Variants in SPRY3 observed in about 807,000 individuals in gnomAD.
SPRY3 encodes protein sprouty homolog 3.
In SPRY3, 15 loss-of-function variants were observed where a neutral mutation model predicts 20.2. The ratio of observed to expected loss-of-function variants is 0.74; its 90% CI spans 0.50 to 1.14. The LOEUF (loss-of-function observed/expected upper bound fraction) is 1.14, where lower values mean the gene tolerates loss of function less well. SPRY3 is among the 50% of genes most tolerant of loss of function. The probability of loss-of-function intolerance (pLI) is 0.00; values close to 1 mark genes in which losing one functional copy is unlikely to be tolerated. For synonymous variants in SPRY3, 143 were observed against 136.5 expected (o/e 1.05, Z -0.33); for missense variants, 364 against 363.9 (o/e 1.00, Z 0.00).
At chrX:155,704,426 A>T (rs2090934395) in intron 2 of SPRY3, among the ~76,000 whole-genome samples, 1 of 151,780 alleles carries the variant, frequency 6.6e-6, no homozygotes, top group African/African-American at 2.4e-5. Context: ...AAATCCATAG[A>T]CCTTAAAATA....
At chrX:155,770,729 G>A (rs1461903302) in intron 3 of SPRY3, among the ~76,000 whole-genome samples, 1 of 151,824 alleles carries the variant, frequency 6.6e-6, no homozygotes, top group African/African-American at 2.4e-5. Context: ...TGGCTCTTTA[G>A]TGGGTGGATT....
chrX:155,613,930 C>A (rs1222849443), intron 1 of SPRY3, among the ~76,000 whole-genome samples: 2 of 111,619 alleles, frequency 1.8e-5, no homozygotes, highest in African/African-American at 6.5e-5. Context: ...TTCTTGAGAG[C>A]AGAAAACTTG....
At chrX:155,677,073 G>A (rs2068060647) in intron 2 of SPRY3, among the ~76,000 whole-genome samples, 1 of 111,329 alleles carries the variant, frequency 9.0e-6, no homozygotes, top group Non-Finnish European at 1.9e-5. Flanking sequence ...TCATATAATT[G>A]TATATTTGCA....
At chrX:155,740,103 C>T (rs1242487039) in intron 2 of SPRY3, among the ~76,000 whole-genome samples, 1 of 152,126 alleles carries the variant, frequency 6.6e-6, no homozygotes, top group Non-Finnish European at 1.5e-5. Context: ...TTAATATGGA[C>T]ATATATCAGT....
chrX:155,646,634 G>C (rs186310770), intron 1 of SPRY3, among the ~76,000 whole-genome samples: 1 of 110,967 alleles, frequency 9.0e-6, no homozygotes, highest in Admixed American at 9.6e-5. Flanking sequence ...TTTGTTTATT[G>C]ATTTTGTATC....
chrX:155,718,539 T>C (rs2091036421), intron 2 of SPRY3, among the ~76,000 whole-genome samples: 1 of 152,120 alleles, frequency 6.6e-6, no homozygotes, highest in Non-Finnish European at 1.5e-5. Context: ...ATATGGCATA[T>C]AAAATCAATG....
chrX:155,767,431 C>T (rs1409047578), intron 2 of SPRY3, among the ~76,000 whole-genome samples: 3 of 152,040 alleles, frequency 2.0e-5, no homozygotes, highest in Non-Finnish European at 4.4e-5. Context: ...AATAATCACA[C>T]ACTGGCGGTA....
intron 2 of SPRY3, among the ~76,000 whole-genome samples, chrX:155,687,414 A>G (rs1418826349): frequency 8.9e-6 from 1 of 112,750 alleles, no homozygotes; most frequent in Non-Finnish European, 1.9e-5. Flanking sequence ...ATTAGAACTC[A>G]TATTTACAAC....
intron 2 of SPRY3, among the ~76,000 whole-genome samples, chrX:155,711,437 G>A (rs2090985473): frequency 6.6e-6 from 1 of 151,534 alleles, no homozygotes; most frequent in African/African-American, 2.4e-5. Flanking sequence ...CAATTTATTG[G>A]CATATAGTTG....
At chrX:155,680,912 A>G (rs1423819778) in intron 2 of SPRY3, among the ~76,000 whole-genome samples, 1 of 111,460 alleles carries the variant, frequency 9.0e-6, no homozygotes, top group Non-Finnish European at 1.9e-5. Flanking sequence ...TTATTTGGGG[A>G]TGCCACTAAC....
intron 3 of SPRY3, among the ~76,000 whole-genome samples, chrX:155,773,231 T>C (rs916248981): frequency 6.7e-6 from 1 of 150,196 alleles, no homozygotes; most frequent in Non-Finnish European, 1.5e-5. Context: ...CTGTATTCAC[T>C]GAATCAAGTA....
intron 1 of SPRY3, among the ~76,000 whole-genome samples, chrX:155,655,367 C>T (rs1557352885): frequency 2.7e-5 from 3 of 111,194 alleles, no homozygotes; most frequent in African/African-American, 9.8e-5. Context: ...TAGTTTCATT[C>T]CCATTTGTCT....
intron 2 of SPRY3, among the ~76,000 whole-genome samples, chrX:155,707,625 G>C (rs978856340): frequency 6.6e-6 from 1 of 150,988 alleles, no homozygotes; most frequent in Non-Finnish European, 1.5e-5. Flanking sequence ...TCTGTTGTTA[G>C]GTGGGAATGC....
At position 155,629,065 on chromosome X, in the gene SPRY3, G is replaced by A. The variant is rs190914328; in HGVS notation, c.-441+16418G>A. The stretch of plus-strand genomic sequence containing the variant: ...AAGTTCTAGGGTACATGTGCACAAT[G>A]TGCAGGTTTGTTACATGTGCTATGT... On this transcript the variant is annotated intron_variant, in intron 1 of 3. Transcript: ENST00000675360. Among the ~76,000 whole-genome samples the A allele has an allele frequency of 6.8e-3, 743 of 108,616 alleles. 6 individuals are homozygous for A. Among genetic ancestry groups the A allele is most frequent in the African/African-American group, 0.024 (701 of 29,769 alleles). 94.3% of individuals were successfully genotyped at this position (108,616 alleles called of 115,157 possible). A position where few individuals can be genotyped will look rare whatever the true frequency, so the allele number is the denominator to read the frequency against.
chrX:155,744,934 A>AT (rs2091219122), intron 2 of SPRY3, among the ~76,000 whole-genome samples: 2 of 152,004 alleles, frequency 1.3e-5, no homozygotes, highest in Admixed American at 1.3e-4. Context: ...TTTTAGGAAT[A>AT]CTTAGAATTG....
At chrX:155,738,874 G>C (rs984729559) in intron 2 of SPRY3, among the ~76,000 whole-genome samples, 25 of 152,168 alleles carry the variant, frequency 1.6e-4, no homozygotes, top group African/African-American at 6.0e-4. Context: ...GATATCATTT[G>C]TACATTCCCC....
intron 2 of SPRY3, among the ~76,000 whole-genome samples, chrX:155,663,980 T>C (rs2068017597): frequency 1.8e-5 from 2 of 110,687 alleles, no homozygotes; most frequent in Non-Finnish European, 3.8e-5. Context: ...TTTTTGTAGG[T>C]ACATAGTAGG....
chrX:155,629,649 C>T (rs916517106), intron 1 of SPRY3, among the ~76,000 whole-genome samples: 2 of 111,671 alleles, frequency 1.8e-5, no homozygotes, highest in Non-Finnish European at 3.8e-5. Context: ...CCTATTTCTC[C>T]ACATCCTCTC....
rs982212330 is a variant in SPRY3 at position 155,704,227 on chromosome X, A to G, written c.-282+47202A>G. On this transcript the variant is annotated intron_variant, in intron 2 of 3. Coordinates refer to ENST00000675360, the Ensembl canonical transcript of SPRY3. ...GAAACTCTCTGACAGGTAACTTAAA[A>G]TAACTATGAGTAATTAGTTAAATGT... 3.3e-5 allele frequency among the ~76,000 whole-genome samples: 5 copies of G among 152,012 alleles called. No individual in the cohort carries two copies. The East Asian group carries it at 9.7e-4, about 29-fold the overall frequency.
Sources: gnomAD v4.1 joint callset for allele counts (sites outside exome capture counted in the v4.1 genomes callset) on GRCh38, gnomAD v4.1.1 for gene constraint, MANE v1.5 for transcripts, NCBI Gene and HGNC (gene_info 2026-07-23, HGNC 2026-07-21) for gene names.